Variants in UVSSA observed in about 807,000 individuals in gnomAD.
The protein encoded by UVSSA is UV stimulated scaffold protein A.
UVSSA carries 72 observed loss-of-function variants against 73.9 expected under a neutral mutation model. The ratio of observed to expected loss-of-function variants is 0.97; its 90% CI spans 0.81 to 1.19. UVSSA has a LOEUF of 1.19. Ranked by LOEUF, UVSSA falls within the 50% of genes most tolerant of loss-of-function variation. UVSSA has a pLI of 0.00. For missense variants in UVSSA, 1,150 were observed against 965.0 expected (o/e 1.19, Z -2.54); for synonymous variants, 454 against 391.3 (o/e 1.16, Z -1.89).
intron 1 of UVSSA, 121 bp downstream of exon 1, chr4:1,347,881 G>T (rs1254287689): frequency 5.3e-6 from 3 of 562,002 alleles, no homozygotes; most frequent in Non-Finnish European, 9.5e-6. Flanking sequence ...GAGGTCCCGA[G>T]TTTAAGGTTC....
intron 13 of UVSSA, 187 bp from the exon 14 acceptor site, chr4:1,385,681 G>C (rs917158474): frequency 3.2e-5 from 20 of 624,020 alleles, no homozygotes; most frequent in Non-Finnish European, 5.4e-5. Context: ...AAGCCTGTCT[G>C]TCTCGGGCCA....
At chr4:1,348,951 T>C (rs1372304185) in intron 2 of UVSSA, among the ~76,000 whole-genome samples, 2 of 151,604 alleles carry the variant, frequency 1.3e-5, no homozygotes, top group African/African-American at 4.9e-5. Context: ...GTGTGCGTGC[T>C]GGGCGGTGTG....
In UVSSA at chr4:1,368,368, A is replaced by G. The variant is rs557014578; in HGVS notation, c.1288+1937A>G. Among the ~76,000 whole-genome samples the G allele has an allele frequency of 4.6e-5, 7 of 152,376 alleles. No individual in the cohort carries two copies. In the South Asian group the frequency reaches 1.2e-3, roughly 27 times the overall value. ...TCCCTAAAACCTGACTTGTGGCTCTAAATTATCTGAAGCAAGGCCAGAAGC... is the reference window on the plus strand; with the variant it reads ...TCCCTAAAACCTGACTTGTGGCTCTGAATTATCTGAAGCAAGGCCAGAAGC... On this transcript the variant is annotated intron_variant, in intron 8 of 13. Transcript: ENST00000389851.
At chr4:1,375,926 C>G in intron 9 of UVSSA, 108 bp from the exon 10 acceptor site, 1 of 1,495,422 alleles carries the variant, frequency 6.7e-7, no homozygotes, top group Non-Finnish European at 8.9e-7. Context: ...CATTGCTCAC[C>G]TGATCCGACC....
chr4:1,346,030 G>A (rs1371614927), upstream of UVSSA, among the ~76,000 whole-genome samples: 1 of 152,194 alleles, frequency 6.6e-6, no homozygotes, highest in African/African-American at 2.4e-5. Flanking sequence ...TGAGGAAGGG[G>A]TGAGGCGGAG....
exon 14 of UVSSA, chr4:1,395,270 G>C (rs772673277): frequency 1.3e-6 from 2 of 1,502,820 alleles, no homozygotes; most frequent in Non-Finnish European, 1.8e-6. Flanking sequence ...GCCTGCTCAC[G>C]TGCCGATGTG....
In UVSSA at chr4:1,385,689, C is replaced by T. The variant is rs1185862356; in HGVS notation, c.2037-179C>T. On this transcript the variant is annotated intron_variant, in intron 13 of 13. Transcript: ENST00000389851. Reference sequence around the variant, plus strand: ...CCTTTCTAAGCCTGTCTGTCTCGGGCCAGGGCCAAGGGGCCCGTCGCCCAT... The same window carrying T: ...CCTTTCTAAGCCTGTCTGTCTCGGGTCAGGGCCAAGGGGCCCGTCGCCCAT... 3 of 641,806 alleles carry T rather than the reference C, an allele frequency of 4.7e-6. No individual in the cohort carries two copies. The Admixed American group carries it at 8.1e-5, about 17-fold the overall frequency. 39.8% of individuals were successfully genotyped at this position (641,806 alleles called of 1,614,324 possible).
intron 5 of UVSSA, among the ~76,000 whole-genome samples, chr4:1,353,915 G>A (rs1298866925): frequency 6.6e-6 from 1 of 152,192 alleles, no homozygotes; most frequent in Non-Finnish European, 1.5e-5. Flanking sequence ...CAGCCTGGGT[G>A]GGTGAGGATT....
intron 4 of UVSSA, among the ~76,000 whole-genome samples, 181 bp from the exon 5 acceptor site, chr4:1,352,849 G>A (rs1715000777): frequency 6.6e-6 from 1 of 152,228 alleles, no homozygotes; most frequent in Admixed American, 6.5e-5. Context: ...GGAGGCTGAG[G>A]CGGCTGCACT....
chr4:1,382,831 C>T (rs1719664642), intron 12 of UVSSA, among the ~76,000 whole-genome samples: 1 of 152,218 alleles, frequency 6.6e-6, no homozygotes, highest in East Asian at 1.9e-4. Flanking sequence ...TGGCCTGGTC[C>T]CACTGGCTCA....
rs1045360994 is a variant in UVSSA, at chr4:1,351,932, A to G, written c.550+97A>G. ...GGTCCCAGGGCCCCAGCCGCAAGGA[A>G]CCCAGGTTTTGAGACAGGCTAGGTG... On this transcript the variant is annotated intron_variant, in intron 4 of 13. Transcript: ENST00000389851. 8 of 1,541,408 alleles carry G rather than the reference A, an allele frequency of 5.2e-6. No individual in the cohort carries two copies. In the African/African-American group the frequency reaches 9.7e-5, roughly 19 times the overall value.
chr4:1,364,676 C>T (rs1400653744), intron 7 of UVSSA, among the ~76,000 whole-genome samples: 1 of 152,134 alleles, frequency 6.6e-6, no homozygotes, highest in Non-Finnish European at 1.5e-5. Context: ...CGGGAAGTTT[C>T]CCTCAGCTGT....
At chr4:1,361,666 G>A (rs13107446) in intron 7 of UVSSA, among the ~76,000 whole-genome samples, 44,462 of 152,228 alleles carry the variant, frequency 0.29, 7,873 homozygotes, top group Non-Finnish European at 0.4. Flanking sequence ...TGGCCTGGCC[G>A]GGCAATTTGC....
chr4:1,385,836 C>T, intron 13 of UVSSA, 32 bp from the exon 14 acceptor site: 1 of 1,612,830 alleles, frequency 6.2e-7, no homozygotes, highest in East Asian at 2.2e-5. Context: ...GCGGAAGCCT[C>T]CCAGGTCACA....
intron 3 of UVSSA, among the ~76,000 whole-genome samples, chr4:1,350,430 C>T (rs919879465): frequency 1.3e-5 from 2 of 152,170 alleles, no homozygotes; most frequent in African/African-American, 4.8e-5. Context: ...CCTTGGAGTG[C>T]CCTGTCTCCC....
chr4:1,378,912 C>T (rs1375078273), intron 10 of UVSSA, among the ~76,000 whole-genome samples: 2 of 152,244 alleles, frequency 1.3e-5, no homozygotes, highest in Non-Finnish European at 2.9e-5. Flanking sequence ...CACATTCTGC[C>T]TGCGTTCCCA....
At chr4:1,373,839 G>C (rs576989624) in intron 8 of UVSSA, among the ~76,000 whole-genome samples, 5 of 152,060 alleles carry the variant, frequency 3.3e-5, no homozygotes, top group African/African-American at 1.2e-4. Flanking sequence ...TGCTGTGGCC[G>C]GTCCCCTCAG....
intron 8 of UVSSA, among the ~76,000 whole-genome samples, chr4:1,369,698 C>T (rs544012257): frequency 1.1e-4 from 17 of 152,352 alleles, no homozygotes; most frequent in African/African-American, 2.6e-4. Flanking sequence ...GCCGCCTGGG[C>T]GCAGAGGCCC....
Position 1,385,616 on chromosome 4 carries a change from C to T in UVSSA, c.2037-252C>T, listed in dbSNP as rs998360221. The T allele has an allele frequency of 7.5e-4, 399 of 530,720 alleles. 3 individuals carry two copies. The highest frequency in any genetic ancestry group is 1.3e-4 in the East Asian group (4 of 31,264). 32.9% of individuals were successfully genotyped at this position (530,720 alleles called of 1,614,324 possible). A position where few individuals can be genotyped will look rare whatever the true frequency, so the allele number is the denominator to read the frequency against. ...AAGGTGGGGCTGGGGCCACCTTCACCGCGCAGAACCACCCGCCGCAGACTC... is the reference window on the plus strand; with the variant it reads ...AAGGTGGGGCTGGGGCCACCTTCACTGCGCAGAACCACCCGCCGCAGACTC... On this transcript the variant is annotated intron_variant, in intron 13 of 13. Coordinates refer to ENST00000389851, the MANE Select transcript of UVSSA (RefSeq NM_020894.4).
Sources: gnomAD v4.1 joint callset for allele counts (sites outside exome capture counted in the v4.1 genomes callset) on GRCh38, gnomAD v4.1.1 for gene constraint, MANE v1.5 for transcripts, NCBI Gene and HGNC (gene_info 2026-07-23, HGNC 2026-07-21) for gene names.